WDR26: variants seen among roughly 807,000 people sequenced by gnomAD.
WDR26 encodes the protein WD repeat domain 26.
WDR26 carries 5 observed loss-of-function variants against 84.1 expected under a neutral mutation model. The observed-to-expected ratio is 0.06, with a 90% confidence interval of 0.03 to 0.13. WDR26 has a LOEUF of 0.13. Among genes scored for constraint, WDR26 ranks in the 10% least tolerant of loss-of-function variants. WDR26 has a pLI of 1.00. For missense variants in WDR26, 642 were observed against 974.9 expected, an observed-to-expected ratio of 0.66 and a Z score of 4.55; for synonymous variants, 415 against 389.6, an observed-to-expected ratio of 1.07 and a Z score of -0.77.
At position 224,401,022 on chromosome 1, in the gene WDR26, C is replaced by T; in HGVS notation, c.1647G>A (p.Leu549=). 1 of 1,614,074 alleles carries T rather than the reference C, an allele frequency of 6.2e-7. No individual in the cohort carries two copies. Among genetic ancestry groups the T allele is most frequent in the Non-Finnish European group, 8.5e-7 (1 of 1,179,990 alleles). Reference sequence around the variant, plus strand: ...CATCTGGATTCCAAGCCACACTTGTCAAACTGTCTTCATGAGACTGGCTCA... The same window carrying T: ...CATCTGGATTCCAAGCCACACTTGTTAAACTGTCTTCATGAGACTGGCTCA... The change falls in exon 9 of 14, where the codon TTG becomes TTA. Residue 549 remains leucine, a synonymous_variant. Coordinates refer to ENST00000414423, the MANE Select transcript of WDR26 (RefSeq NM_001379403.1).
intron 4 of WDR26, among the ~76,000 whole-genome samples, chr1:224,421,218 T>C (rs943365648): frequency 1.3e-5 from 2 of 152,130 alleles, no homozygotes; most frequent in African/African-American, 4.8e-5. Context: ...ATAAAACCCA[T>C]ATGACTAATT....
chr1:224,417,055 C>T (rs1037838701), intron 6 of WDR26, among the ~76,000 whole-genome samples: 4 of 152,042 alleles, frequency 2.6e-5, no homozygotes, highest in Non-Finnish European at 5.9e-5. Context: ...ATATCTCAAA[C>T]AATTATTATT....
chr1:224,429,883 T>C (rs991432979), intron 3 of WDR26: 2 of 152,014 alleles, frequency 1.3e-5, no homozygotes, highest in Non-Finnish European at 2.9e-5. Flanking sequence ...AAGAAAAAAA[T>C]AGGAAGTAAG....
intron 5 of WDR26, 58 bp downstream of exon 5, chr1:224,419,460 C>G (rs1572200590): frequency 1.6e-6 from 2 of 1,274,964 alleles, no homozygotes; most frequent in East Asian, 4.6e-5. Flanking sequence ...TAATTGATCA[C>G]TGTATCCATT....
At chr1:224,392,169 G>A (rs1483324066) in intron 13 of WDR26, among the ~76,000 whole-genome samples, 5 of 152,072 alleles carry the variant, frequency 3.3e-5, no homozygotes, top group Admixed American at 3.3e-4. Flanking sequence ...AGACCATCCT[G>A]GCTAACACAG....
rs1280867030 is a variant in WDR26 at position 224,398,128 on chromosome 1, A to G, written c.2043T>C (p.His681=). Residue 681 remains histidine, a synonymous_variant, in exon 12 of 14, where the codon CAT becomes CAC. Transcript: ENST00000414423. ...TGCCACTAGCGATGAAGTCTTCATT[A>G]TGGCCTCCAAAACATGAATGAATTG... 6.2e-7 allele frequency: 1 copy of G among 1,613,574 alleles called. No individual in the cohort carries two copies. The highest frequency in any genetic ancestry group is 8.5e-7 in the Non-Finnish European group (1 of 1,179,874).
intron 4 of WDR26, among the ~76,000 whole-genome samples, chr1:224,420,547 C>G (rs1674029890): frequency 1.3e-5 from 2 of 151,976 alleles, no homozygotes; most frequent in African/African-American, 4.8e-5. Flanking sequence ...CCTGCTATAC[C>G]TCTCAGTTAA....
In WDR26 at chr1:224,433,844, A is replaced by G. The variant is rs1674496698; in HGVS notation, c.562T>C (p.Ser188Pro). ...GAGGCAGCTGCGACGGTGGCTGAGG[A>G]TGCGGCGGCCGCCCCGCCGGGAACC... The change falls in exon 1 of 14, where the codon TCC becomes CCC. Residue 188 changes from serine (S) to proline (P), a missense_variant. Physicochemically the swap from Ser to Pro is moderately conservative, Grantham distance 74 (BLOSUM62 -1). Transcript: ENST00000414423. 2 of 1,536,660 alleles carry G rather than the reference A, an allele frequency of 1.3e-6. No individual in the cohort carries two copies. The highest frequency in any genetic ancestry group is 1.4e-5 in the African/African-American group (1 of 73,004).
In WDR26 at chr1:224,389,656, A is replaced by G. The variant is rs2102882380; in HGVS notation, c.*179T>C. 1 of 663,060 alleles carries G rather than the reference A, an allele frequency of 1.5e-6. No individual in the cohort carries two copies. Among genetic ancestry groups the G allele is most frequent in the Non-Finnish European group, 2.6e-6 (1 of 378,962 alleles). The allele number at this position is 663,060 out of a possible 1,614,324, so 41.1% of individuals were successfully genotyped here. A position where few individuals can be genotyped will look rare whatever the true frequency, so the allele number is the denominator to read the frequency against. On this transcript the variant is annotated 3_prime_UTR_variant, in exon 14 of 14. Transcript: ENST00000414423. ...CGTTCTAACGACGTGCTTCATCTCA[A>G]CTGGTTACTATGAAGCAAGGTGTAA...
intron 1 of WDR26, 74 bp downstream of exon 1, chr1:224,433,610 G>GGGCCCCCCCCCCCCCCCCCC: frequency 3.0e-6 from 1 of 329,438 alleles, no homozygotes; most frequent in Non-Finnish European, 4.1e-6. Flanking sequence ...TCCCCCCTCC[G>GGGCCCCCCCCCCCCCCCCCC]CCCCTTCCCC....
intron 12 of WDR26, among the ~76,000 whole-genome samples, chr1:224,394,333 C>T (rs1183755871): frequency 2.6e-5 from 4 of 152,106 alleles, no homozygotes; most frequent in Non-Finnish European, 5.9e-5. Context: ...GTGATAAATT[C>T]TATGGAAATG....
chr1:224,428,831 C>T (rs922545704), intron 3 of WDR26, among the ~76,000 whole-genome samples: 8 of 150,782 alleles, frequency 5.3e-5, no homozygotes, highest in East Asian at 3.9e-4. Context: ...TCTTGAACCC[C>T]GGAGGCAGAG....
chr1:224,410,946 CT>C (rs1265086754), intron 7 of WDR26, among the ~76,000 whole-genome samples: 1 of 152,130 alleles, frequency 6.6e-6, no homozygotes, highest in East Asian at 1.9e-4. Context: ...CCTGCCTCGG[CT>C]TCCCAAAGTG....
intron 6 of WDR26, chr1:224,413,296 C>A: frequency 1.6e-6 from 2 of 1,240,400 alleles, no homozygotes; most frequent in Non-Finnish European, 2.1e-6. Context: ...CTTCTTTTCC[C>A]AATCAATAAT....
intron 9 of WDR26, among the ~76,000 whole-genome samples, chr1:224,399,673 C>T (rs1673356453): frequency 4.6e-5 from 7 of 152,084 alleles, no homozygotes; most frequent in Admixed American, 3.3e-4. Flanking sequence ...TCATCTTGCA[C>T]GCAGGGAATT....
intron 4 of WDR26, among the ~76,000 whole-genome samples, chr1:224,423,686 G>C (rs887178100): frequency 2.6e-5 from 4 of 152,178 alleles, no homozygotes; most frequent in African/African-American, 4.8e-5. Flanking sequence ...AACTAGAGGT[G>C]GCAGTGATCT....
At chr1:224,415,290 G>T (rs944913815) in intron 6 of WDR26, among the ~76,000 whole-genome samples, 1 of 151,930 alleles carries the variant, frequency 6.6e-6, no homozygotes, top group Non-Finnish European at 1.5e-5. Context: ...GTTCTGTTTC[G>T]GACATGCTGT....
Position 224,420,948 on chromosome 1 carries a change from A to C in WDR26, c.1065-1333T>G, listed in dbSNP as rs528446340. Among the ~76,000 whole-genome samples, 3 of 152,314 alleles carry C rather than the reference A, an allele frequency of 2.0e-5. No individual in the cohort carries two copies. The South Asian group carries it at 6.2e-4, about 32-fold the overall frequency. On this transcript the variant is annotated intron_variant, in intron 4 of 13. Coordinates refer to ENST00000414423, the MANE Select transcript of WDR26 (RefSeq NM_001379403.1). ...GTTTCTAAAACAACTTTTTTTGGGC[A>C]AAGTTTATTATCAATAATTATATTT...
chr1:224,420,745 A>G (rs889244069), intron 4 of WDR26, among the ~76,000 whole-genome samples: 1 of 152,170 alleles, frequency 6.6e-6, no homozygotes, highest in African/African-American at 2.4e-5. Flanking sequence ...CAAAAACGCT[A>G]TAGGAAGTTA....
Sources: allele counts gnomAD v4.1 joint callset (sites outside exome capture counted in the v4.1 genomes callset), GRCh38; gene constraint gnomAD v4.1.1; transcripts MANE v1.5; gene names NCBI Gene and HGNC (gene_info 2026-07-23, HGNC 2026-07-21).